SERGEF: variants seen among roughly 807,000 people sequenced by gnomAD.
The protein encoded by SERGEF is secretion-regulating guanine nucleotide exchange factor.
SERGEF carries 51 observed loss-of-function variants against 50.0 expected under a neutral mutation model. The ratio of observed to expected loss-of-function variants is 1.02; its 90% confidence interval spans 0.81 to 1.29. The LOEUF is 1.29. SERGEF is among the 50% of genes most tolerant of loss of function. The pLI, the probability that SERGEF is intolerant of heterozygous loss-of-function variation, is 0.00. For synonymous variants in SERGEF, 205 were observed against 212.4 expected (o/e 0.97, Z 0.30); for missense variants, 521 against 557.0 (o/e 0.94, Z 0.65).
intron 9 of SERGEF, among the ~76,000 whole-genome samples, chr11:17,954,888 C>T (rs543746408): frequency 9.9e-5 from 15 of 152,228 alleles, no homozygotes; most frequent in African/African-American, 3.1e-4. Context: ...GCCTCTCTGG[C>T]CTCAGTTTCC....
chr11:17,834,594 C>T (rs1850369835), intron 10 of SERGEF, among the ~76,000 whole-genome samples: 1 of 152,060 alleles, frequency 6.6e-6, no homozygotes, highest in Non-Finnish European at 1.5e-5. Context: ...AGGAGGAGGC[C>T]CTCTGTGATG....
intron 9 of SERGEF, among the ~76,000 whole-genome samples, chr11:17,889,546 T>A (rs1004884302): frequency 2.6e-5 from 4 of 152,106 alleles, no homozygotes; most frequent in African/African-American, 4.8e-5. Flanking sequence ...GAAAAGCTAT[T>A]CCAGAATAAA....
chr11:17,827,887 G>A (rs1201937095), intron 10 of SERGEF, among the ~76,000 whole-genome samples: 5 of 152,192 alleles, frequency 3.3e-5, no homozygotes. Flanking sequence ...AAGTGGAAGA[G>A]CTTTTTGTAT....
At chr11:17,883,871 C>G (rs2133903394) in intron 9 of SERGEF, among the ~76,000 whole-genome samples, 1 of 152,310 alleles carries the variant, frequency 6.6e-6, no homozygotes, top group East Asian at 1.9e-4. Flanking sequence ...AGTTCTGTCG[C>G]CTGCCCTCCT....
At chr11:17,956,085 G>A (rs1852864357) in intron 9 of SERGEF, among the ~76,000 whole-genome samples, 1 of 152,148 alleles carries the variant, frequency 6.6e-6, no homozygotes, top group Non-Finnish European at 1.5e-5. Flanking sequence ...AGTATCTAAG[G>A]TAAAACTGAC....
intron 9 of SERGEF, among the ~76,000 whole-genome samples, chr11:17,879,837 A>G (rs1851306594): frequency 6.6e-6 from 1 of 152,208 alleles, no homozygotes; most frequent in African/African-American, 2.4e-5. Flanking sequence ...TACAGTAAAC[A>G]TATACAATTT....
chr11:17,918,164 G>T (rs905671718), intron 9 of SERGEF, among the ~76,000 whole-genome samples: 1 of 152,148 alleles, frequency 6.6e-6, no homozygotes, highest in African/African-American at 2.4e-5. Context: ...ACTCCATGGT[G>T]CCTGTGGGTA....
intron 10 of SERGEF, among the ~76,000 whole-genome samples, chr11:17,801,338 G>A (rs1310015179): frequency 1.3e-5 from 2 of 152,202 alleles, no homozygotes; most frequent in Admixed American, 6.5e-5. Flanking sequence ...CATTTGAAAA[G>A]GCTGCTCTCT....
At chr11:17,870,169 G>A (rs939763580) in intron 10 of SERGEF, among the ~76,000 whole-genome samples, 2 of 152,160 alleles carry the variant, frequency 1.3e-5, no homozygotes, top group Admixed American at 1.3e-4. Context: ...CTTCCACCAT[G>A]ATTGTAAGTT....
At chr11:17,791,728 T>C (rs767594855) in intron 10 of SERGEF, among the ~76,000 whole-genome samples, 13 of 152,234 alleles carry the variant, frequency 8.5e-5, no homozygotes, top group Non-Finnish European at 1.9e-4. Context: ...CTCAGTTCTC[T>C]CATCTGTTCA....
At chr11:17,933,157 T>C (rs1469005664) in intron 9 of SERGEF, among the ~76,000 whole-genome samples, 1 of 152,172 alleles carries the variant, frequency 6.6e-6, no homozygotes, top group Non-Finnish European at 1.5e-5. Flanking sequence ...AAATTTCCTG[T>C]AGAGATGATT....
chr11:18,012,774 T>TGCCCCCC, intron 1 of SERGEF, 177 bp downstream of exon 1: 3 of 1,285,092 alleles, frequency 2.3e-6, no homozygotes, highest in Non-Finnish European at 3.2e-6. Flanking sequence ...GACCCTTCCT[T>TGCCCCCC]CCCCGCCCGC....
At chr11:17,864,303 T>C (rs1273714929) in intron 10 of SERGEF, among the ~76,000 whole-genome samples, 2 of 152,182 alleles carry the variant, frequency 1.3e-5, no homozygotes, top group Non-Finnish European at 2.9e-5. Flanking sequence ...TTAGCAAGTA[T>C]GGGAGCCTCC....
At chr11:17,905,251 G>A (rs1480647345) in intron 9 of SERGEF, among the ~76,000 whole-genome samples, 2 of 152,180 alleles carry the variant, frequency 1.3e-5, no homozygotes, top group Admixed American at 6.5e-5. Flanking sequence ...GAATTTAAAT[G>A]TTCTAACAAA....
intron 1 of SERGEF, among the ~76,000 whole-genome samples, chr11:18,010,616 T>C (rs1215632104): frequency 6.6e-6 from 1 of 152,188 alleles, no homozygotes; most frequent in Non-Finnish European, 1.5e-5. Context: ...AGCATCCCCA[T>C]ATCACTCATT....
chr11:17,917,172 C>T (rs1852064995), intron 9 of SERGEF, among the ~76,000 whole-genome samples: 1 of 152,152 alleles, frequency 6.6e-6, no homozygotes, highest in African/African-American at 2.4e-5. Flanking sequence ...AACCCAAATG[C>T]CCATCAATCA....
intron 9 of SERGEF, among the ~76,000 whole-genome samples, chr11:17,914,102 AG>A (rs1852003256): frequency 6.6e-6 from 1 of 152,242 alleles, no homozygotes; most frequent in South Asian, 2.1e-4. Context: ...TTTAGGCTAC[AG>A]CCAAAATGAA....
intron 9 of SERGEF, among the ~76,000 whole-genome samples, chr11:17,881,007 CACA>C (rs1175626069): frequency 6.6e-6 from 1 of 152,136 alleles, no homozygotes; most frequent in Admixed American, 6.5e-5. Flanking sequence ...TTTTAGTCAT[CACA>C]ACAATCTTTT....
In SERGEF at chr11:17,895,878, C is replaced by A. The variant is rs542483404; in HGVS notation, c.1012-17634G>T. ...TCATACTATATATTCAGTTTTATAT[C>A]ATGACCTTTGCCTTTAACATTTTAT... is the stretch of plus-strand genomic sequence containing the variant. On this transcript the variant is annotated intron_variant, in intron 9 of 10. Transcript: ENST00000265965. 7.9e-5 allele frequency among the ~76,000 whole-genome samples: 12 copies of A among 152,268 alleles called. No individual in the cohort carries two copies. The East Asian group carries it at 1.7e-3, about 22-fold the overall frequency.
Sources: allele counts gnomAD v4.1 joint callset (sites outside exome capture counted in the v4.1 genomes callset), GRCh38; gene constraint gnomAD v4.1.1; transcripts MANE v1.5; gene names NCBI Gene and HGNC (gene_info 2026-07-23, HGNC 2026-07-21).